Variants in RASSF3 observed in about 807,000 individuals in gnomAD.
RASSF3 encodes the protein ras association domain-containing protein 3.
In RASSF3, 19 loss-of-function variants were observed where a neutral mutation model predicts 19.9. The ratio of observed to expected loss-of-function variants is 0.96; its 90% CI spans 0.67 to 1.40. The LOEUF (loss-of-function observed/expected upper bound fraction) is 1.40, where lower values mean the gene tolerates loss of function less well. RASSF3 is among the 40% of genes most tolerant of loss of function. The pLI, the probability that RASSF3 is intolerant of heterozygous loss-of-function variation, is 0.00. For synonymous variants in RASSF3, 110 were observed against 104.2 expected, an observed-to-expected ratio of 1.06 and a Z score of -0.34; for missense variants, 306 against 289.8, an observed-to-expected ratio of 1.06 and a Z score of -0.41.
At chr12:64,566,576 A>G (rs1359878747) in intron 2 of RASSF3, among the ~76,000 whole-genome samples, 1 of 152,180 alleles carries the variant, frequency 6.6e-6, no homozygotes, top group Non-Finnish European at 1.5e-5. Flanking sequence ...TACCAAGAGT[A>G]GAGGTGAAAA....
At chr12:64,606,233 G>A (rs1245589536), upstream of RASSF3, among the ~76,000 whole-genome samples, 1 of 152,148 alleles carries the variant, frequency 6.6e-6, no homozygotes, top group East Asian at 1.9e-4. Context: ...AAGGGGAATG[G>A]GACCACTACG....
At chr12:64,613,161 A>G (rs1455731072) in intron 1 of RASSF3, among the ~76,000 whole-genome samples, 1 of 152,238 alleles carries the variant, frequency 6.6e-6, no homozygotes, top group Non-Finnish European at 1.5e-5. Context: ...AATATAAAGC[A>G]AAACACTCTT....
intron 1 of RASSF3, among the ~76,000 whole-genome samples, chr12:64,508,697 C>G (rs11830375): frequency 0.22 from 33,663 of 151,862 alleles, 3,978 homozygotes; most frequent in African/African-American, 0.29. Context: ...CCAGCCTGAC[C>G]AACATGGAGA....
At chr12:64,571,084 C>T (rs912458276) in intron 2 of RASSF3, among the ~76,000 whole-genome samples, 3 of 151,708 alleles carry the variant, frequency 2.0e-5, no homozygotes, top group East Asian at 1.9e-4. Context: ...CGGGTGTGGT[C>T]GCGGGCGCCT....
intron 4 of RASSF3, among the ~76,000 whole-genome samples, chr12:64,694,458 G>A (rs1202290384): frequency 1.3e-5 from 2 of 152,174 alleles, no homozygotes; most frequent in Non-Finnish European, 2.9e-5. Flanking sequence ...ATGCTGTTGG[G>A]GGTCAAATCA....
chr12:64,651,559 C>T (rs1209290458), intron 1 of RASSF3, among the ~76,000 whole-genome samples: 1 of 152,052 alleles, frequency 6.6e-6, no homozygotes, highest in African/African-American at 2.4e-5. Flanking sequence ...AGTGTTTCAC[C>T]ATGTTGGCCA....
At chr12:64,519,015 G>A (rs1205169731) in intron 1 of RASSF3, among the ~76,000 whole-genome samples, 1 of 152,162 alleles carries the variant, frequency 6.6e-6, no homozygotes, top group East Asian at 1.9e-4. Context: ...TATGACTAGA[G>A]CTCAAAACCC....
At chr12:64,617,272 C>T (rs1870584089) in intron 1 of RASSF3, among the ~76,000 whole-genome samples, 1 of 152,174 alleles carries the variant, frequency 6.6e-6, no homozygotes, top group Non-Finnish European at 1.5e-5. Context: ...ATACTTTCCC[C>T]TTGTTTTAAG....
intron 1 of RASSF3, among the ~76,000 whole-genome samples, chr12:64,540,734 C>T (rs190292156): frequency 2.0e-5 from 3 of 152,288 alleles, no homozygotes; most frequent in East Asian, 1.9e-4. Context: ...TCAGGAGGAT[C>T]GCTTGAGCCT....
chr12:64,680,419 G>A (rs1384302080), intron 1 of RASSF3, among the ~76,000 whole-genome samples: 4 of 151,954 alleles, frequency 2.6e-5, no homozygotes, highest in African/African-American at 9.6e-5. Flanking sequence ...GAGGACGGGC[G>A]TGGTGTCTGC....
chr12:64,670,715 A>T (rs777111144), intron 1 of RASSF3, among the ~76,000 whole-genome samples: 9 of 152,184 alleles, frequency 5.9e-5, no homozygotes, highest in Non-Finnish European at 1.0e-4. Flanking sequence ...CAGATTACTA[A>T]TTCCCTACTA....
chr12:64,669,405 G>T (rs76982746), intron 1 of RASSF3, among the ~76,000 whole-genome samples: 1 of 151,930 alleles, frequency 6.6e-6, no homozygotes, highest in African/African-American at 2.4e-5. Context: ...CCTGTCACAC[G>T]TGGAGATAAG....
At chr12:64,562,195 C>T (rs944357217) in intron 2 of RASSF3, among the ~76,000 whole-genome samples, 4 of 151,954 alleles carry the variant, frequency 2.6e-5, no homozygotes, top group Admixed American at 6.6e-5. Context: ...CGTGCGCCAC[C>T]GCACCCAGCT....
intron 4 of RASSF3, among the ~76,000 whole-genome samples, chr12:64,691,887 T>C (rs1045916373): frequency 3.3e-5 from 5 of 152,186 alleles, no homozygotes; most frequent in African/African-American, 1.2e-4. Flanking sequence ...TTTTCACCCC[T>C]TCCCACCTCC....
intron 1 of RASSF3, among the ~76,000 whole-genome samples, chr12:64,520,024 T>C (rs889961496): frequency 6.6e-6 from 1 of 152,154 alleles, no homozygotes; most frequent in Non-Finnish European, 1.5e-5. Flanking sequence ...ATAGTACTAC[T>C]GTTGCAGGCT....
intron 2 of RASSF3, chr12:64,599,040 T>A (rs1238644727): frequency 6.6e-6 from 1 of 152,140 alleles, no homozygotes; most frequent in East Asian, 1.9e-4. Context: ...TTCCCCTCTC[T>A]ATCTCTTGAC....
rs1196838635 is a variant in RASSF3, at chr12:64,695,551, G to A, written c.*639G>A. 1 of 152,742 alleles carries A rather than the reference G, an allele frequency of 6.5e-6. No individual in the cohort carries two copies. Among genetic ancestry groups the A allele is most frequent in the Non-Finnish European group, 1.5e-5 (1 of 68,212 alleles). 9.5% of individuals were successfully genotyped at this position (152,742 alleles called of 1,614,324 possible). A position where few individuals can be genotyped will look rare whatever the true frequency, so the allele number is the denominator to read the frequency against. ...ACTTGGCTTTTCAGTTAGGGGTAGT[G>A]GAGAAAGGGGTAGTTGCTTGTAAAC... On this transcript the variant is annotated 3_prime_UTR_variant, in exon 5 of 5. Transcript: ENST00000542104.
intron 1 of RASSF3, among the ~76,000 whole-genome samples, chr12:64,614,950 T>C (rs1147104): frequency 0.8 from 121,160 of 151,908 alleles, 48,572 homozygotes; most frequent in African/African-American, 0.86. Flanking sequence ...CTGCCCTCCT[T>C]GGCCTCCCAA....
At chr12:64,648,571 C>T (rs1316367907) in intron 1 of RASSF3, among the ~76,000 whole-genome samples, 2 of 151,700 alleles carry the variant, frequency 1.3e-5, no homozygotes, top group East Asian at 3.9e-4. Flanking sequence ...CAACCTCCAC[C>T]TCCTGGATTC....
Sources: gnomAD v4.1 joint callset for allele counts (sites outside exome capture counted in the v4.1 genomes callset) on GRCh38, gnomAD v4.1.1 for gene constraint, MANE v1.5 for transcripts, NCBI Gene and HGNC (gene_info 2026-07-23, HGNC 2026-07-21) for gene names.